Variants in MRPL54 observed in about 807,000 individuals in gnomAD.
MRPL54 encodes the protein large ribosomal subunit protein mL54.
Under a neutral mutation model 15.6 loss-of-function variants are expected in MRPL54, and 12 were observed. The observed-to-expected ratio is 0.77, with a 90% CI of 0.49 to 1.24. MRPL54 has a LOEUF of 1.24. MRPL54 is among the 50% of genes most tolerant of loss of function. The pLI is 0.00. For missense variants in MRPL54, 178 were observed against 186.8 expected (o/e 0.95, Z 0.28); for synonymous variants, 91 against 75.7 (o/e 1.20, Z -1.05).
At chr19:3,762,847 G>A (rs1025547281) in intron 1 of MRPL54, 29 bp downstream of exon 1, 18 of 1,505,894 alleles carry the variant, frequency 1.2e-5, no homozygotes, top group Non-Finnish European at 1.6e-5. Flanking sequence ...AACCAAATGG[G>A]GACGGTGGGT....
In MRPL54 at chr19:3,767,520, G is replaced by T; in HGVS notation, c.*127G>T. ...TCCATGTGACCCCACAGTGGGGCTGGACCAGGGCCCTGGAGGCCAATAAAG... is the reference window on the plus strand; with the variant it reads ...TCCATGTGACCCCACAGTGGGGCTGTACCAGGGCCCTGGAGGCCAATAAAG... On this transcript the variant is annotated 3_prime_UTR_variant, in exon 3 of 3. Coordinates refer to ENST00000330133, the MANE Select transcript of MRPL54 (RefSeq NM_172251.3). 2 of 1,342,670 alleles carry T rather than the reference G, an allele frequency of 1.5e-6. No individual in the cohort carries two copies. Among genetic ancestry groups the T allele is most frequent in the South Asian group, 1.3e-5 (1 of 74,768 alleles). 83.2% of individuals were successfully genotyped at this position (1,342,670 alleles called of 1,614,324 possible).
At position 3,767,539 on chromosome 19, in the gene MRPL54, A is replaced by T; in HGVS notation, c.*146A>T. ...GGGCTGGACCAGGGCCCTGGAGGCCAATAAAGAGCTTTCTGGGTAGACCCT... is the reference window on the plus strand; with the variant it reads ...GGGCTGGACCAGGGCCCTGGAGGCCTATAAAGAGCTTTCTGGGTAGACCCT... On this transcript the variant is annotated 3_prime_UTR_variant, in exon 3 of 3. Transcript: ENST00000330133. The T allele has an allele frequency of 8.9e-7, 1 of 1,129,870 alleles. No individual in the cohort carries two copies. 70.0% of individuals were successfully genotyped at this position (1,129,870 alleles called of 1,614,324 possible).
In MRPL54 at chr19:3,762,730, C is replaced by T. The variant is rs2037161443; in HGVS notation, c.30C>T (p.Thr10=). The change falls in exon 1 of 3, where the codon ACC becomes ACT. Residue 10 remains threonine (T), a synonymous_variant. Transcript: ENST00000330133. ...CGACCAAACGCCTTTTCGGGGCTAC[C>T]CGGACGTGGGCCGGCTGGGGGGCCT... The part of the protein sequence containing the change: MATKRLFGA[T]RTWAGWGAWE... 1.2e-6 allele frequency: 2 copies of T among 1,611,618 alleles called. No individual in the cohort carries two copies. The highest frequency in any genetic ancestry group is 2.2e-5 in the East Asian group (1 of 44,586).
intron 1 of MRPL54, among the ~76,000 whole-genome samples, 162 bp from the exon 2 acceptor site, chr19:3,765,004 G>A (rs2037184647): frequency 6.6e-6 from 1 of 150,962 alleles, no homozygotes; most frequent in Non-Finnish European, 1.5e-5. Flanking sequence ...CTCCACCTGG[G>A]CAACAGAGCG....
chr19:3,762,722 GGGGCTACCC>G lies in MRPL54; in HGVS notation c.25_33del (p.Ala9_Arg11del). Reference sequence around the variant, plus strand: ...CGTCATGGCGACCAAACGCCTTTTCGGGGCTACCCGGACGTGGGCCGGCTGGGGGGCCTG... The same window carrying G: ...CGTCATGGCGACCAAACGCCTTTTCGGGACGTGGGCCGGCTGGGGGGCCTG... On this transcript the variant is annotated inframe_deletion, in exon 1 of 3. Transcript: ENST00000330133. 1.2e-6 allele frequency: 2 copies of G among 1,611,608 alleles called. No individual in the cohort carries two copies. The highest frequency in any genetic ancestry group is 1.7e-6 in the Non-Finnish European group (2 of 1,179,096).
intron 2 of MRPL54, among the ~76,000 whole-genome samples, chr19:3,766,909 C>T (rs1041761661): frequency 6.6e-6 from 1 of 152,112 alleles, no homozygotes; most frequent in Non-Finnish European, 1.5e-5. Flanking sequence ...GAGGGCAGGA[C>T]CTGTGGGCTG....
intron 1 of MRPL54, among the ~76,000 whole-genome samples, chr19:3,764,207 C>G (rs1344374564): frequency 1.3e-5 from 2 of 151,808 alleles, no homozygotes; most frequent in African/African-American, 4.8e-5. Flanking sequence ...CTCAGCCTCC[C>G]AAGTAGCTGG....
At chr19:3,766,359 G>A (rs1030327362) in intron 2 of MRPL54, among the ~76,000 whole-genome samples, 1 of 151,962 alleles carries the variant, frequency 6.6e-6, no homozygotes, top group Non-Finnish European at 1.5e-5. Flanking sequence ...GATTACAGGC[G>A]TGAGCCACCA....
rs1028858741 is a variant in MRPL54 at position 3,763,496 on chromosome 19, C to T, written c.118+678C>T. ...ATCCCACTTAAAGTGATTTCGAGGC[C>T]AGGCATGATGGCTCACACCTTTATT... is the stretch of plus-strand genomic sequence containing the variant. On this transcript the variant is annotated intron_variant, in intron 1 of 2. Transcript: ENST00000330133. Among the ~76,000 whole-genome samples, 9 of 152,102 alleles carry T rather than the reference C, an allele frequency of 5.9e-5. No individual in the cohort carries two copies. In the East Asian group the frequency reaches 9.7e-4, roughly 16 times the overall value.
intron 1 of MRPL54, among the ~76,000 whole-genome samples, chr19:3,764,814 G>A (rs2037182208): frequency 6.6e-6 from 1 of 151,854 alleles, no homozygotes; most frequent in East Asian, 2.0e-4. Context: ...AGATCACGAG[G>A]TCAGGAGATC....
Position 3,766,229 on chromosome 19 carries a change from C to T in MRPL54, c.284+898C>T, listed in dbSNP as rs573090342. On this transcript the variant is annotated intron_variant, in intron 2 of 2. Coordinates refer to ENST00000330133, the MANE Select transcript of MRPL54 (RefSeq NM_172251.3). ...AGTAGCTGGGATTACAGGTGCCCGC[C>T]GTCACACCCAGCTAATTTTTGTATT... is the stretch of plus-strand genomic sequence containing the variant. Among the ~76,000 whole-genome samples the T allele has an allele frequency of 1.3e-3, 201 of 152,232 alleles. 1 individual carries two copies. Among genetic ancestry groups the T allele is most frequent in the African/African-American group, 4.3e-3 (180 of 41,542 alleles).
In MRPL54 at chr19:3,765,173, G is replaced by A; in HGVS notation, c.126G>A (p.Lys42=). ...ARDYAKKPVM[K]GAKSGKGAVT... ...TCCCTCTCGTCTCCCCAGTTATGAA[G>A]GGGGCCAAATCGGGAAAAGGTGCAG... is the stretch of plus-strand genomic sequence containing the variant. Residue 42 remains lysine, a synonymous_variant, in exon 2 of 3, where the codon AAG becomes AAA. Coordinates refer to ENST00000330133, the MANE Select transcript of MRPL54 (RefSeq NM_172251.3). The A allele has an allele frequency of 6.2e-7, 1 of 1,610,732 alleles. No homozygotes were observed. The highest frequency in any genetic ancestry group is 8.5e-7 in the Non-Finnish European group (1 of 1,178,494).
At position 3,762,917 on chromosome 19, in the gene MRPL54, G is replaced by A. The variant is rs771626068; in HGVS notation, c.118+99G>A. On this transcript the variant is annotated intron_variant, in intron 1 of 2. Coordinates refer to ENST00000330133, the MANE Select transcript of MRPL54 (RefSeq NM_172251.3). ...GGGGAGGTGGTGCTAGAACTGATGC[G>A]CAAGCGCAGAGAGGCGGATGCCAGG... 69 of 1,029,180 alleles carry A rather than the reference G, an allele frequency of 6.7e-5. 1 individual carries two copies. The highest frequency in any genetic ancestry group is 9.1e-5 in the Non-Finnish European group (66 of 722,654). The allele number at this position is 1,029,180 out of a possible 1,614,324, so 63.8% of individuals were successfully genotyped here.
intron 2 of MRPL54, among the ~76,000 whole-genome samples, chr19:3,766,083 T>G (rs182539965): frequency 1.9e-3 from 284 of 150,786 alleles, no homozygotes; most frequent in African/African-American, 6.4e-3. Flanking sequence ...GGCTAATTTT[T>G]TTTTTTTTTT....
rs762550877 is a variant in MRPL54, at chr19:3,762,826, G to A, written c.118+8G>A. ...ATTATGCCAAGAAACCAGGTGAGCT[G>A]GGTTAAGAGGAACCAAATGGGGACG... On this transcript the variant is annotated splice_region_variant and intron_variant, in intron 1 of 2. Coordinates refer to ENST00000330133, the MANE Select transcript of MRPL54 (RefSeq NM_172251.3). The A allele has an allele frequency of 5.8e-6, 9 of 1,553,674 alleles. No homozygotes were observed. The Admixed American group carries it at 1.8e-4, about 31-fold the overall frequency.
intron 1 of MRPL54, 92 bp downstream of exon 1, chr19:3,762,910 C>G (rs1219428262): frequency 2.8e-6 from 3 of 1,086,830 alleles, no homozygotes; most frequent in Non-Finnish European, 2.6e-6. Flanking sequence ...GGTGCTAGAA[C>G]TGATGCGCAA....
chr19:3,766,729 G>A (rs1437792702), intron 2 of MRPL54, among the ~76,000 whole-genome samples: 1 of 152,220 alleles, frequency 6.6e-6, no homozygotes, highest in Non-Finnish European at 1.5e-5. Context: ...TCTAGTTTGA[G>A]GTTTGGGGGA....
intron 2 of MRPL54, 128 bp downstream of exon 2, chr19:3,765,459 T>A: frequency 9.9e-7 from 1 of 1,014,590 alleles, no homozygotes; most frequent in Non-Finnish European, 1.4e-6. Flanking sequence ...ATCCTGGCTT[T>A]AGGGCAGGGG....
At chr19:3,764,994 C>T (rs1027740749) in intron 1 of MRPL54, among the ~76,000 whole-genome samples, 172 bp from the exon 2 acceptor site, 1 of 151,030 alleles carries the variant, frequency 6.6e-6, no homozygotes, top group South Asian at 2.1e-4. Context: ...CGCCACTGCA[C>T]TCCACCTGGG....
Sources: gnomAD v4.1 joint callset for allele counts (sites outside exome capture counted in the v4.1 genomes callset) on GRCh38, gnomAD v4.1.1 for gene constraint, MANE v1.5 for transcripts, NCBI Gene and HGNC (gene_info 2026-07-23, HGNC 2026-07-21) for gene names.